Variants in GPC5 observed in about 807,000 individuals in gnomAD.
The protein encoded by GPC5 is glypican 5.
GPC5 carries 47 observed loss-of-function variants against 53.9 expected under a neutral mutation model. The ratio of observed to expected loss-of-function variants is 0.87; its 90% CI spans 0.69 to 1.11. GPC5 has a LOEUF of 1.11. Among genes scored for constraint, GPC5 ranks in the 50% most tolerant of loss-of-function variants. GPC5 has a pLI of 0.00. For missense variants in GPC5, 748 were observed against 713.1 expected (o/e 1.05, Z -0.56); for synonymous variants, 286 against 263.3 (o/e 1.09, Z -0.84).
At chr13:92,447,104 GTTTAC>G (rs2139394022) in intron 7 of GPC5, 1 of 152,056 alleles carries the variant, frequency 6.6e-6, no homozygotes, top group African/African-American at 2.4e-5. Context: ...TTTGTTGATT[GTTTAC>G]TTTGTTGTGC....
rs1329793507 is a variant in GPC5, at chr13:92,278,895, CCTT to C, written c.1561+133909_1561+133911del. Among the ~76,000 whole-genome samples the C allele has an allele frequency of 2.6e-5, 4 of 152,136 alleles. No individual in the cohort carries two copies. The East Asian group carries it at 7.7e-4, about 29-fold the overall frequency. On this transcript the variant is annotated intron_variant, in intron 7 of 7. Coordinates refer to ENST00000377067, the MANE Select transcript of GPC5 (RefSeq NM_004466.6). Reference sequence around the variant, plus strand: ...CTATTCCATTGGTCTATATGTCTATCCTTCTGCTAGTACTACATTTGACTACTG... The same window carrying C: ...CTATTCCATTGGTCTATATGTCTATCCTGCTAGTACTACATTTGACTACTG...
rs150451715 is a variant in GPC5 at position 91,496,788 on chromosome 13, C to A, written c.325+47866C>A. ...TCAAAAATAACTAAAAGAGTATAAT[C>A]ATAACGCAAAAGATGAATGCTTGAG... On this transcript the variant is annotated intron_variant, in intron 2 of 7. Transcript: ENST00000377067. Among the ~76,000 whole-genome samples, 391 of 152,082 alleles carry A rather than the reference C, an allele frequency of 2.6e-3. 1 individual carries two copies. The highest frequency in any genetic ancestry group is 8.5e-3 in the African/African-American group (353 of 41,518).
At chr13:92,076,972 A>G (rs1330721584) in intron 6 of GPC5, among the ~76,000 whole-genome samples, 1 of 152,202 alleles carries the variant, frequency 6.6e-6, no homozygotes, top group Non-Finnish European at 1.5e-5. Flanking sequence ...CTTGGTATCC[A>G]CAATCTTTTA....
At chr13:92,087,937 T>C (rs879787172) in intron 6 of GPC5, among the ~76,000 whole-genome samples, 6 of 129,498 alleles carry the variant, frequency 4.6e-5, no homozygotes, top group Non-Finnish European at 7.7e-5. Flanking sequence ...TTCCAACTAC[T>C]TTTTTTTTTT....
At chr13:91,818,025 C>T (rs564370427) in intron 5 of GPC5, among the ~76,000 whole-genome samples, 1 of 152,012 alleles carries the variant, frequency 6.6e-6, no homozygotes. Context: ...AGGAAAATTT[C>T]ACCTAAAAGG....
chr13:91,780,404 A>G (rs2037780047), intron 5 of GPC5, among the ~76,000 whole-genome samples: 1 of 152,112 alleles, frequency 6.6e-6, no homozygotes, highest in South Asian at 2.1e-4. Flanking sequence ...TGTATTCATT[A>G]TCTTGTATGT....
intron 6 of GPC5, among the ~76,000 whole-genome samples, chr13:92,032,022 T>C (rs1169583378): frequency 7.4e-5 from 10 of 134,336 alleles, no homozygotes; most frequent in African/African-American, 2.8e-4. Context: ...ATATAATATA[T>C]ATAAAATATA....
intron 1 of GPC5, among the ~76,000 whole-genome samples, chr13:91,409,727 A>G (rs1877584684): frequency 1.3e-5 from 2 of 151,918 alleles, no homozygotes; most frequent in Admixed American, 6.6e-5. Flanking sequence ...TTCATATTAG[A>G]TTCAGGGGGA....
chr13:91,965,082 A>G (rs191265708), intron 6 of GPC5, among the ~76,000 whole-genome samples: 2,860 of 88,134 alleles, frequency 0.032, 110 homozygotes, highest in African/African-American at 0.12. Context: ...GGGGCCTGTC[A>G]TGGGGTGGGG....
At chr13:92,174,576 A>C (rs956997773) in intron 7 of GPC5, among the ~76,000 whole-genome samples, 1 of 151,722 alleles carries the variant, frequency 6.6e-6, no homozygotes, top group Admixed American at 6.6e-5. Flanking sequence ...CAACAAAAAA[A>C]ACAAAATTTA....
intron 2 of GPC5, among the ~76,000 whole-genome samples, chr13:91,512,730 C>T (rs1388249506): frequency 6.6e-6 from 1 of 152,096 alleles, no homozygotes; most frequent in Non-Finnish European, 1.5e-5. Flanking sequence ...ATTATTCTTG[C>T]CTTCATTAAT....
intron 7 of GPC5, among the ~76,000 whole-genome samples, chr13:92,360,920 T>G (rs2043560855): frequency 6.6e-6 from 1 of 151,790 alleles, no homozygotes; most frequent in Non-Finnish European, 1.5e-5. Flanking sequence ...CAAATGTAAA[T>G]GCCTATGGGG....
At chr13:92,676,062 G>A (rs1886928474) in intron 7 of GPC5, among the ~76,000 whole-genome samples, 2 of 151,952 alleles carry the variant, frequency 1.3e-5, no homozygotes, top group African/African-American at 4.8e-5. Context: ...GATATTTTTT[G>A]CCATGAATTT....
intron 7 of GPC5, among the ~76,000 whole-genome samples, chr13:92,165,822 A>G (rs1203396214): frequency 6.6e-6 from 1 of 152,218 alleles, no homozygotes; most frequent in Non-Finnish European, 1.5e-5. Context: ...CCATGTATTA[A>G]CATATGTAAT....
chr13:92,307,082 A>G (rs898354242), intron 7 of GPC5, among the ~76,000 whole-genome samples: 1 of 152,254 alleles, frequency 6.6e-6, no homozygotes, highest in Non-Finnish European at 1.5e-5. Flanking sequence ...AACGTCTGCT[A>G]CTTAACTACA....
Position 92,347,889 on chromosome 13 carries a change from T to C in GPC5, c.1561+202900T>C, listed in dbSNP as rs1566549850. On this transcript the variant is annotated intron_variant, in intron 7 of 7. Transcript: ENST00000377067. ...TTATATATATAATATATATTATATA[T>C]ATTATATATATAATATATATATAAT... is the stretch of plus-strand genomic sequence containing the variant. 4.5e-3 allele frequency among the ~76,000 whole-genome samples: 93 copies of C among 20,580 alleles called. 20 individuals carry two copies. Among genetic ancestry groups the C allele is most frequent in the Non-Finnish European group, 3.4e-3 (49 of 14,604 alleles). 13.5% of individuals were successfully genotyped at this position (20,580 alleles called of 152,430 possible).
intron 2 of GPC5, among the ~76,000 whole-genome samples, chr13:91,526,978 C>A (rs1886116888): frequency 6.6e-6 from 1 of 152,158 alleles, no homozygotes; most frequent in Non-Finnish European, 1.5e-5. Context: ...CACCTCCCAC[C>A]AGACACCACC....
intron 2 of GPC5, among the ~76,000 whole-genome samples, chr13:91,455,583 A>T (rs1260450579): frequency 1.3e-5 from 2 of 152,152 alleles, no homozygotes; most frequent in African/African-American, 4.8e-5. Context: ...TATGTATTTA[A>T]AATTTCTGTC....
intron 7 of GPC5, among the ~76,000 whole-genome samples, chr13:92,381,947 TATCTA>T (rs2043750846): frequency 8.9e-6 from 1 of 112,390 alleles, no homozygotes; most frequent in African/African-American, 4.4e-5. Flanking sequence ...TATGAAATAA[TATCTA>T]TGTATGTATG....
Sources: gnomAD v4.1 joint callset for allele counts (sites outside exome capture counted in the v4.1 genomes callset) on GRCh38, gnomAD v4.1.1 for gene constraint, MANE v1.5 for transcripts, NCBI Gene and HGNC (gene_info 2026-07-23, HGNC 2026-07-21) for gene names.